Variants in RBM33 observed in about 807,000 individuals in gnomAD.
RBM33 encodes the protein RNA binding motif protein 33, also known as RNA-binding protein 33.
Under a neutral mutation model 132.6 loss-of-function variants are expected in RBM33, and 28 were observed. The ratio of observed to expected loss-of-function variants is 0.21; its 90% CI spans 0.16 to 0.29. RBM33 has a LOEUF of 0.29. Among genes scored for constraint, RBM33 ranks in the 10% least tolerant of loss-of-function variants. The probability of loss-of-function intolerance (pLI) is 1.00; values close to 1 mark genes in which losing one functional copy is unlikely to be tolerated. For missense variants in RBM33, 1,291 were observed against 1,518.5 expected (o/e 0.85, Z 2.49); for synonymous variants, 634 against 593.0 (o/e 1.07, Z -1.01).
chr7:155,718,287 C>T (rs546565816), intron 8 of RBM33, 98 bp from the exon 9 acceptor site: 21 of 883,502 alleles, frequency 2.4e-5, no homozygotes, highest in African/African-American at 2.1e-4. Context: ...ATGTCTGGTA[C>T]GCATAGTATA....
intron 9 of RBM33, among the ~76,000 whole-genome samples, chr7:155,736,821 TG>T: frequency 6.6e-6 from 1 of 152,354 alleles, no homozygotes; most frequent in East Asian, 1.9e-4. Context: ...TTTGGATTAA[TG>T]GGAAATAGGC....
chr7:155,682,007 A>C (rs942445680), intron 5 of RBM33, among the ~76,000 whole-genome samples: 1 of 150,294 alleles, frequency 6.7e-6, no homozygotes, highest in African/African-American at 2.5e-5. Context: ...TGCAACCTCC[A>C]CCTTCTGGGT....
intron 9 of RBM33, among the ~76,000 whole-genome samples, chr7:155,733,437 A>G (rs1801014735): frequency 6.9e-6 from 1 of 145,612 alleles, no homozygotes; most frequent in African/African-American, 2.6e-5. Context: ...TTACAGAAAA[A>G]TAAAAATACT....
At chr7:155,726,247 C>T (rs977812549) in intron 9 of RBM33, among the ~76,000 whole-genome samples, 5 of 152,100 alleles carry the variant, frequency 3.3e-5, no homozygotes, top group African/African-American at 7.2e-5. Flanking sequence ...TTAAAATATA[C>T]GGACTGACCC....
At chr7:155,653,582 G>GGA (rs60034026) in intron 1 of RBM33, among the ~76,000 whole-genome samples, 112,208 of 151,712 alleles carry the variant, frequency 0.74, 41,751 homozygotes, top group South Asian at 0.79. Context: ...TCCCTCGAGG[G>GGA]GAGGGGCTGG....
At chr7:155,716,084 A>G (rs535502302) in intron 8 of RBM33, among the ~76,000 whole-genome samples, 11 of 152,230 alleles carry the variant, frequency 7.2e-5, no homozygotes, top group Non-Finnish European at 1.5e-4. Context: ...TTAAACTTCA[A>G]ATATTCAAGT....
At chr7:155,673,547 C>T (rs1312683739) in intron 3 of RBM33, among the ~76,000 whole-genome samples, 14 of 71,976 alleles carry the variant, frequency 1.9e-4, no homozygotes, top group East Asian at 3.7e-4. Context: ...TACATACACA[C>T]GTGTATATAT....
intron 5 of RBM33, among the ~76,000 whole-genome samples, chr7:155,685,239 G>A (rs922982019): frequency 2.6e-5 from 4 of 152,180 alleles, no homozygotes; most frequent in Non-Finnish European, 5.9e-5. Flanking sequence ...TCCGCATAGC[G>A]TGTGCCGTTT....
At chr7:155,737,994 G>A (rs1185091983) in intron 10 of RBM33, 66 bp from the exon 11 acceptor site, 2 of 1,385,056 alleles carry the variant, frequency 1.4e-6, no homozygotes, top group East Asian at 2.3e-5. Flanking sequence ...TAGTGCTTCA[G>A]ACTGCTTTTC....
chr7:155,653,763 C>G (rs984156152), intron 1 of RBM33, among the ~76,000 whole-genome samples: 1 of 152,166 alleles, frequency 6.6e-6, no homozygotes, highest in African/African-American at 2.4e-5. Flanking sequence ...TAAACTGTAA[C>G]AGTAAGTACG....
rs537700908 is a variant in RBM33 at position 155,741,911 on chromosome 7, G to A, written c.2142G>A (p.Ala714=). 4.5e-5 allele frequency: 72 copies of A among 1,613,988 alleles called. No individual in the cohort carries two copies. Among genetic ancestry groups the A allele is most frequent in the Admixed American group, 1.3e-4 (8 of 60,020 alleles). The change falls in exon 13 of 18, where the codon GCG becomes GCA. Residue 714 remains alanine, a synonymous_variant. Transcript: ENST00000401878. ...RNSNLRELPI[A]PSHVIEMSSS... ...GCAATTTGCGTGAATTACCCATAGC[G>A]CCGTCACACGTGATAGAAATGAGCA... is the stretch of plus-strand genomic sequence containing the variant.
chr7:155,668,030 A>C (rs1251982471), intron 2 of RBM33, among the ~76,000 whole-genome samples: 1 of 152,238 alleles, frequency 6.6e-6, no homozygotes, highest in Non-Finnish European at 1.5e-5. Flanking sequence ...TAAACGGTTT[A>C]AAATATAGCC....
chr7:155,744,866 G>A, intron 13 of RBM33, 95 bp from the exon 14 acceptor site: 2 of 1,203,182 alleles, frequency 1.7e-6, no homozygotes, highest in Non-Finnish European at 2.3e-6. Flanking sequence ...CTGAATTAAA[G>A]GACTTGTGGT....
rs976618557 is a variant in RBM33 at position 155,745,717 on chromosome 7, G to C, written c.2979+115G>C. 4.9e-6 allele frequency: 5 copies of C among 1,026,990 alleles called. No homozygotes were observed. Among genetic ancestry groups the C allele is most frequent in the Non-Finnish European group, 7.0e-6 (5 of 716,838 alleles). The allele number at this position is 1,026,990 out of a possible 1,614,324, so 63.6% of individuals were successfully genotyped here. A position where few individuals can be genotyped will look rare whatever the true frequency, so the allele number is the denominator to read the frequency against. ...TAAAAGTTACCTCTGTTATAGTCTT[G>C]TAACCAATCTCTACCTACTTGAAGT... On this transcript the variant is annotated intron_variant, in intron 14 of 17. Transcript: ENST00000401878. This position sits in a 1 kb window ranked among gnomAD's most constrained non-coding sequence, Gnocchi z 4.1.
At position 155,739,697 on chromosome 7, in the gene RBM33, T is replaced by C; in HGVS notation, c.1738-18T>C. ...AACCATTTATGAACTGTTGTTTCTCTTTCTTTGGAAATGGAAGGGGCCGTT... is the reference window on the plus strand; with the variant it reads ...AACCATTTATGAACTGTTGTTTCTCCTTCTTTGGAAATGGAAGGGGCCGTT... On this transcript the variant is annotated intron_variant, in intron 11 of 17. Coordinates refer to ENST00000401878, the MANE Select transcript of RBM33 (RefSeq NM_053043.3). 6.5e-7 allele frequency: 1 copy of C among 1,533,888 alleles called. No individual in the cohort carries two copies. The highest frequency in any genetic ancestry group is 2.5e-5 in the East Asian group (1 of 40,806).
intron 3 of RBM33, among the ~76,000 whole-genome samples, chr7:155,678,019 G>A (rs1435885993): frequency 1.3e-5 from 2 of 152,062 alleles, no homozygotes; most frequent in Admixed American, 6.5e-5. Context: ...AGAAAACCTG[G>A]AACTCTTGAC....
In RBM33 at chr7:155,777,421, A is replaced by G. The variant is rs1411211293; in HGVS notation, c.*2380A>G. On this transcript the variant is annotated 3_prime_UTR_variant, in exon 18 of 18. Coordinates refer to ENST00000401878, the MANE Select transcript of RBM33 (RefSeq NM_053043.3). The stretch of plus-strand genomic sequence containing the variant: ...CACTCAATACCCACAACCATCGAAA[A>G]TGGATTCTTAGTACCAGACAATCCC... 1 of 152,242 alleles carries G rather than the reference A, an allele frequency of 6.6e-6. No individual in the cohort carries two copies. Among genetic ancestry groups the G allele is most frequent in the East Asian group, 1.9e-4 (1 of 5,200 alleles). The allele number at this position is 152,242 out of a possible 1,614,324, so 9.4% of individuals were successfully genotyped here. A position where few individuals can be genotyped will look rare whatever the true frequency, so the allele number is the denominator to read the frequency against.
intron 6 of RBM33, among the ~76,000 whole-genome samples, chr7:155,703,085 G>T (rs1391581687): frequency 6.6e-6 from 1 of 151,902 alleles, no homozygotes; most frequent in African/African-American, 2.4e-5. Flanking sequence ...CCTGTTCATT[G>T]TCCCTCCACC....
Position 155,680,713 on chromosome 7 carries a change from G to T in RBM33, c.372G>T (p.Glu124Asp). The part of the protein sequence containing the change: ...QESEYEQEQG[E>D]DELVYHKSDG... ...CTGAGTATGAACAAGAACAAGGAGA[G>T]GATGAACTGGTTTATCACAAATCTG... Residue 124 changes from glutamate (E) to aspartate (D), a missense_variant, in exon 5 of 18, where the codon GAG becomes GAT. Physicochemically the swap from Glu to Asp is conservative, Grantham distance 45 (BLOSUM62 2). This residue lies in a region of RBM33 where 194 missense variants were observed against 249.8 expected (regional missense o/e 0.78). Coordinates refer to ENST00000401878, the MANE Select transcript of RBM33 (RefSeq NM_053043.3). 1 of 1,613,086 alleles carries T rather than the reference G, an allele frequency of 6.2e-7. No homozygotes were observed. The highest frequency in any genetic ancestry group is 1.1e-5 in the South Asian group (1 of 90,918).
Sources: gnomAD v4.1 joint callset for allele counts (sites outside exome capture counted in the v4.1 genomes callset) on GRCh38, gnomAD v4.1.1 for gene constraint, gnomAD v4.1.1 regional missense constraint, Gnocchi (gnomAD v3.1) non-coding constraint, MANE v1.5 for transcripts, NCBI Gene and HGNC (gene_info 2026-07-23, HGNC 2026-07-21) for gene names.